The following AOAH variants were observed in gnomAD, a reference collection of about 807,000 sequenced individuals.
AOAH encodes acyloxyacyl hydrolase (neutrophil).
AOAH carries 64 observed loss-of-function variants against 92.2 expected under a neutral mutation model. That is an observed-to-expected ratio of 0.69 (90% CI 0.57 to 0.86). AOAH has a LOEUF of 0.86. Among genes scored for constraint, AOAH ranks in the 40% least tolerant of loss-of-function variants. The probability of loss-of-function intolerance (pLI) is 0.00; values close to 1 mark genes in which losing one functional copy is unlikely to be tolerated. For synonymous variants in AOAH, 263 were observed against 254.5 expected (o/e 1.03, Z -0.32); for missense variants, 656 against 694.6 (o/e 0.94, Z 0.62).
chr7:36,582,141 C>T (rs1485242235), intron 12 of AOAH, among the ~76,000 whole-genome samples: 2 of 152,166 alleles, frequency 1.3e-5, no homozygotes, highest in Non-Finnish European at 2.9e-5. Context: ...AAATCCTCTT[C>T]CTCTTGCTCT....
intron 4 of AOAH, among the ~76,000 whole-genome samples, chr7:36,651,087 C>T (rs112422828): frequency 5.2e-4 from 79 of 152,300 alleles, no homozygotes; most frequent in African/African-American, 1.9e-3. Flanking sequence ...AAGGAGTCAC[C>T]TCCACTCCTG....
chr7:36,623,091 G>T (rs1792399136), intron 7 of AOAH, 99 bp downstream of exon 7: 1 of 962,562 alleles, frequency 1.0e-6, no homozygotes, highest in Admixed American at 1.9e-5. Context: ...AATTAATAAT[G>T]CATTCAAATG....
chr7:36,647,751 A>G (rs1337848838), intron 4 of AOAH, among the ~76,000 whole-genome samples: 4 of 152,186 alleles, frequency 2.6e-5, no homozygotes, highest in Non-Finnish European at 5.9e-5. Flanking sequence ...TGGCAAGATC[A>G]TGTGAAATGC....
At chr7:36,529,509 C>A (rs780126422) in intron 19 of AOAH, among the ~76,000 whole-genome samples, 25 of 152,156 alleles carry the variant, frequency 1.6e-4, no homozygotes, top group Non-Finnish European at 3.4e-4. Flanking sequence ...GTCTGCAATG[C>A]AAAACATGTC....
intron 19 of AOAH, 115 bp from the exon 20 acceptor site, chr7:36,522,230 A>G: frequency 1.2e-6 from 1 of 833,296 alleles, no homozygotes; most frequent in Non-Finnish European, 2.0e-6. Context: ...TGACCAAGCC[A>G]CGGCTGCCTC....
intron 11 of AOAH, among the ~76,000 whole-genome samples, chr7:36,609,962 C>T (rs1447049641): frequency 4.0e-5 from 6 of 151,862 alleles, no homozygotes; most frequent in Non-Finnish European, 7.4e-5. Context: ...GCCACAAGCA[C>T]GAAAAACCAG....
chr7:36,536,383 T>C (rs1785060739), intron 16 of AOAH, among the ~76,000 whole-genome samples: 1 of 152,130 alleles, frequency 6.6e-6, no homozygotes, highest in African/African-American at 2.4e-5. Context: ...CCCCCTACTT[T>C]TTTTTTCTTT....
At chr7:36,607,402 C>T (rs761885534) in intron 11 of AOAH, among the ~76,000 whole-genome samples, 39 of 152,286 alleles carry the variant, frequency 2.6e-4, no homozygotes, top group Non-Finnish European at 2.4e-4. Flanking sequence ...TTTGTAAATG[C>T]ATTCCTACCA....
intron 4 of AOAH, among the ~76,000 whole-genome samples, chr7:36,654,116 T>C (rs1393812277): frequency 6.9e-6 from 1 of 145,696 alleles, no homozygotes; most frequent in African/African-American, 2.4e-5. Flanking sequence ...TGCATCCCTG[T>C]GCGTGTGTGC....
At chr7:36,514,330 G>A (rs1220467254) in intron 20 of AOAH, 18 of 622,994 alleles carry the variant, frequency 2.9e-5, no homozygotes, top group Non-Finnish European at 4.2e-5. Flanking sequence ...CCTGGGAGTG[G>A]AGGCTGGCTG....
intron 1 of AOAH, among the ~76,000 whole-genome samples, chr7:36,718,258 T>C (rs1190344201): frequency 6.6e-6 from 1 of 152,092 alleles, no homozygotes; most frequent in Non-Finnish European, 1.5e-5. Context: ...AAAAATGAGA[T>C]CTCACTCCAC....
At chr7:36,683,950 A>G (rs1796808450) in intron 2 of AOAH, among the ~76,000 whole-genome samples, 1 of 151,756 alleles carries the variant, frequency 6.6e-6, no homozygotes, top group Admixed American at 6.6e-5. Flanking sequence ...GCCAAGATGG[A>G]GCCACTGCAC....
chr7:36,549,325 TG>T, intron 14 of AOAH, 113 bp downstream of exon 14: 1 of 790,986 alleles, frequency 1.3e-6, no homozygotes, highest in South Asian at 1.5e-5. Flanking sequence ...GTTTGGATAG[TG>T]ACTAACAAGC....
intron 1 of AOAH, among the ~76,000 whole-genome samples, chr7:36,708,638 A>T (rs1217182442): frequency 6.6e-6 from 1 of 152,090 alleles, no homozygotes; most frequent in Non-Finnish European, 1.5e-5. Context: ...TGAAAACTGG[A>T]AGTTATAAAT....
chr7:36,671,645 G>A (rs1055119795), intron 3 of AOAH, among the ~76,000 whole-genome samples: 12 of 140,136 alleles, frequency 8.6e-5, no homozygotes, highest in Admixed American at 2.9e-4. Context: ...GTGTGTGCAC[G>A]TGTTTGTGTG....
intron 5 of AOAH, among the ~76,000 whole-genome samples, chr7:36,637,394 T>C (rs1161238653): frequency 6.6e-6 from 1 of 152,066 alleles, no homozygotes; most frequent in East Asian, 1.9e-4. Flanking sequence ...TTTTAGAAAG[T>C]GGAGAAGCAG....
At chr7:36,613,343 T>C (rs931039948) in intron 11 of AOAH, among the ~76,000 whole-genome samples, 1 of 152,190 alleles carries the variant, frequency 6.6e-6, no homozygotes, top group Admixed American at 6.5e-5. Context: ...GGCAGGATGA[T>C]TCCAAGATTT....
intron 1 of AOAH, among the ~76,000 whole-genome samples, chr7:36,710,062 G>A (rs906145263): frequency 5.9e-5 from 9 of 152,116 alleles, no homozygotes; most frequent in African/African-American, 1.7e-4. Context: ...TTCTATGTGT[G>A]GTAGGTAGAA....
At chr7:36,531,513 A>T (rs1784689211) in intron 18 of AOAH, among the ~76,000 whole-genome samples, 1 of 151,950 alleles carries the variant, frequency 6.6e-6, no homozygotes, top group South Asian at 2.1e-4. Context: ...CACCTGGCTA[A>T]TTTTTGTATT....
Sources: allele counts gnomAD v4.1 joint callset (sites outside exome capture counted in the v4.1 genomes callset), GRCh38; gene constraint gnomAD v4.1.1; transcripts MANE v1.5; gene names NCBI Gene and HGNC (gene_info 2026-07-23, HGNC 2026-07-21).